The following RILPL2 variants were observed in gnomAD, a reference collection of about 807,000 sequenced individuals.
RILPL2 encodes RILP-like protein 2.
RILPL2 carries 19 observed loss-of-function variants against 22.2 expected under a neutral mutation model. That is an observed-to-expected ratio of 0.86 (90% CI 0.60 to 1.25). The LOEUF (loss-of-function observed/expected upper bound fraction) is 1.25. Ranked by LOEUF, RILPL2 falls within the 50% of genes most tolerant of loss-of-function variation. The pLI, the probability that RILPL2 is intolerant of heterozygous loss-of-function variation, is 0.00. For missense variants in RILPL2, 243 were observed against 263.6 expected (o/e 0.92, Z 0.54); for synonymous variants, 123 against 111.6 (o/e 1.10, Z -0.64).
rs528168201 is a variant in RILPL2, at chr12:123,419,983, A to G, written c.605+3061T>C. ...TGGGACTATAGGTACACGCCACCACACCCAGCTAATTTTTGTATTTTTAGT... is the reference window on the plus strand; with the variant it reads ...TGGGACTATAGGTACACGCCACCACGCCCAGCTAATTTTTGTATTTTTAGT... On this transcript the variant is annotated intron_variant, in intron 3 of 3. Coordinates refer to ENST00000280571, the MANE Select transcript of RILPL2 (RefSeq NM_145058.3). Among the ~76,000 whole-genome samples the G allele has an allele frequency of 5.3e-5, 7 of 130,862 alleles. No individual in the cohort carries two copies. The East Asian group carries it at 1.6e-3, about 30-fold the overall frequency. 85.9% of individuals were successfully genotyped at this position (130,862 alleles called of 152,430 possible).
chr12:123,436,148 C>T lies in RILPL2; in HGVS notation c.273G>A (p.Met91Ile), dbSNP rs1411573144. Residue 91 changes from methionine to isoleucine, a missense_variant, in exon 1 of 4, where the codon ATG (methionine) becomes ATA (isoleucine). Transcript: ENST00000280571. This position sits in a 1 kb window ranked among gnomAD's most constrained non-coding sequence, Gnocchi z 6.7. Reference protein sequence around the residue: ...EGSLALEELKMERDHLRKEVE... With the variant: ...EGSLALEELKIERDHLRKEVE... Reference sequence around the variant, plus strand: ...CCTCCTTCCTGAGGTGGTCCCTCTCCATCTTCAGCTCCTCCAGCGCCAGGC... The same window carrying T: ...CCTCCTTCCTGAGGTGGTCCCTCTCTATCTTCAGCTCCTCCAGCGCCAGGC... 1.9e-6 allele frequency: 3 copies of T among 1,603,858 alleles called. No individual in the cohort carries two copies. Among genetic ancestry groups the T allele is most frequent in the Admixed American group, 1.7e-5 (1 of 58,512 alleles).
intron 2 of RILPL2, among the ~76,000 whole-genome samples, chr12:123,423,935 G>A (rs1879363678): frequency 1.3e-5 from 2 of 152,090 alleles, no homozygotes; most frequent in Admixed American, 6.6e-5. Context: ...TTACAGGTGT[G>A]AGCCACCGTG....
intron 1 of RILPL2, among the ~76,000 whole-genome samples, chr12:123,434,193 C>T (rs1235266106): frequency 1.3e-5 from 2 of 151,730 alleles, no homozygotes; most frequent in Non-Finnish European, 2.9e-5. Context: ...CTGAGGTGGG[C>T]GTATCACTTA....
downstream of RILPL2, among the ~76,000 whole-genome samples, chr12:123,410,139 G>A (rs149729703): frequency 6.6e-6 from 1 of 152,262 alleles, no homozygotes; most frequent in African/African-American, 2.4e-5. Flanking sequence ...GAGCCACCAC[G>A]CCCAGCTTAA....
At chr12:123,424,873 T>A (rs1310157863) in intron 2 of RILPL2, among the ~76,000 whole-genome samples, 1 of 152,076 alleles carries the variant, frequency 6.6e-6, no homozygotes. Context: ...ATTTTATTTT[T>A]AAAAATTTTC....
Position 123,433,507 on chromosome 12 carries a change from C to T in RILPL2, c.339+2575G>A, listed in dbSNP as rs185998189. ...TTGGCTCACTGCAACCTCTGCCACC[C>T]GGGTTCAAGTGATTCTTGTGCCTCA... is the stretch of plus-strand genomic sequence containing the variant. On this transcript the variant is annotated intron_variant, in intron 1 of 3. Transcript: ENST00000280571. Among the ~76,000 whole-genome samples the T allele has an allele frequency of 5.5e-4, 84 of 152,270 alleles. 1 individual carries two copies. The South Asian group carries it at 8.9e-3, about 16-fold the overall frequency.
At chr12:123,423,815 G>A (rs1593490540) in intron 2 of RILPL2, among the ~76,000 whole-genome samples, 2 of 151,710 alleles carry the variant, frequency 1.3e-5, no homozygotes, top group South Asian at 2.1e-4. Context: ...CACCACACCC[G>A]GCTCATTTTT....
intron 3 of RILPL2, among the ~76,000 whole-genome samples, chr12:123,421,487 T>C (rs1412436686): frequency 6.6e-6 from 1 of 152,010 alleles, no homozygotes; most frequent in Non-Finnish European, 1.5e-5. Context: ...CATGAACCAC[T>C]GCCCCCAGAG....
intron 1 of RILPL2, among the ~76,000 whole-genome samples, chr12:123,433,490 C>T (rs952912150): frequency 2.0e-5 from 3 of 151,202 alleles, no homozygotes; most frequent in Non-Finnish European, 4.4e-5. Context: ...TCTTGGCTCA[C>T]TGCAACCTCT....
Position 123,436,022 on chromosome 12 carries a change from T to G in RILPL2, c.339+60A>C. On this transcript the variant is annotated intron_variant, in intron 1 of 3. Transcript: ENST00000280571. The surrounding 1 kb of genome is among the most constrained non-coding windows in gnomAD (Gnocchi z 6.7). ...GAAAAGGAAGGCGTCTCCCTGCCAG[T>G]AGGTGCCCTCCTACGCCCCGCAGGC... is the stretch of plus-strand genomic sequence containing the variant. 1.3e-6 allele frequency: 2 copies of G among 1,515,092 alleles called. No individual in the cohort carries two copies. Among genetic ancestry groups the G allele is most frequent in the Non-Finnish European group, 1.8e-6 (2 of 1,130,660 alleles). The allele number at this position is 1,515,092 out of a possible 1,614,324, so 93.9% of individuals were successfully genotyped here.
At chr12:123,425,863 A>G (rs1000122889) in intron 2 of RILPL2, among the ~76,000 whole-genome samples, 1 of 150,986 alleles carries the variant, frequency 6.6e-6, no homozygotes, top group Admixed American at 6.6e-5. Context: ...TGTTGGCCAG[A>G]CTGGTCTCGA....
At chr12:123,433,235 T>G (rs1278001421) in intron 1 of RILPL2, among the ~76,000 whole-genome samples, 1 of 149,026 alleles carries the variant, frequency 6.7e-6, no homozygotes, top group Non-Finnish European at 1.5e-5. Context: ...GCCTCCCGAG[T>G]AGCTGGGACT....
rs537951769 is a variant in RILPL2, at chr12:123,429,441, G to A, written c.491+1067C>T. On this transcript the variant is annotated intron_variant, in intron 2 of 3. Coordinates refer to ENST00000280571, the MANE Select transcript of RILPL2 (RefSeq NM_145058.3). ...CTCCCAGGTAGCTGGGATTACAGGC[G>A]CCCGCCACCACACCTGGCTAATTTT... is the stretch of plus-strand genomic sequence containing the variant. Among the ~76,000 whole-genome samples, 10 of 147,640 alleles carry A rather than the reference G, an allele frequency of 6.8e-5. No homozygotes were observed. The South Asian group carries it at 1.3e-3, about 19-fold the overall frequency.
At chr12:123,419,036 A>T (rs1306197017) in intron 3 of RILPL2, among the ~76,000 whole-genome samples, 3 of 133,288 alleles carry the variant, frequency 2.3e-5, no homozygotes, top group African/African-American at 8.7e-5. Flanking sequence ...TTTGAGACGG[A>T]GTCTCGCTCT....
At chr12:123,421,368 T>C (rs1272559397) in intron 3 of RILPL2, among the ~76,000 whole-genome samples, 1 of 152,078 alleles carries the variant, frequency 6.6e-6, no homozygotes, top group African/African-American at 2.4e-5. Flanking sequence ...TATGGGGAAT[T>C]ATCTTTCCCT....
At chr12:123,410,619 A>G (rs1878944951), downstream of RILPL2, 1 of 152,118 alleles carries the variant, frequency 6.6e-6, no homozygotes, top group Non-Finnish European at 1.5e-5. Flanking sequence ...TTGGGCAGGT[A>G]CGTAGTCTCC....
chr12:123,417,406 G>A lies in RILPL2; in HGVS notation c.606-1485C>T, dbSNP rs184102815. On this transcript the variant is annotated intron_variant, in intron 3 of 3. Transcript: ENST00000280571. Reference sequence around the variant, plus strand: ...GAGTGAGCTTTTTGTACATAAATACGGTCATGTTACTCTCCAGCTTAAAAC... The same window carrying A: ...GAGTGAGCTTTTTGTACATAAATACAGTCATGTTACTCTCCAGCTTAAAAC... Among the ~76,000 whole-genome samples the A allele has an allele frequency of 9.9e-5, 15 of 151,900 alleles. No individual in the cohort carries two copies. In the East Asian group the frequency reaches 2.3e-3, roughly 23 times the overall value.
intron 3 of RILPL2, among the ~76,000 whole-genome samples, chr12:123,416,185 G>T (rs960724087): frequency 6.6e-6 from 1 of 151,662 alleles, no homozygotes; most frequent in Non-Finnish European, 1.5e-5. Context: ...TTAACCAGGC[G>T]TGGTGGCATA....
chr12:123,430,393 A>G lies in RILPL2; in HGVS notation c.491+115T>C, dbSNP rs957916385. ...CACTGCACTCCAGCCTGGGCGACAG[A>G]GCGAGACTCTGTCTCAAAAAAACAA... On this transcript the variant is annotated intron_variant, in intron 2 of 3. Transcript: ENST00000280571. 8.8e-5 allele frequency: 95 copies of G among 1,075,032 alleles called. 1 individual carries two copies. The highest frequency in any genetic ancestry group is 1.2e-4 in the Non-Finnish European group (92 of 785,734). The allele number at this position is 1,075,032 out of a possible 1,614,324, so 66.6% of individuals were successfully genotyped here.
Sources: gnomAD v4.1 joint callset for allele counts (sites outside exome capture counted in the v4.1 genomes callset) on GRCh38, gnomAD v4.1.1 for gene constraint, Gnocchi (gnomAD v3.1) non-coding constraint, MANE v1.5 for transcripts, NCBI Gene and HGNC (gene_info 2026-07-23, HGNC 2026-07-21) for gene names.